The following STAG1 variants were observed in gnomAD, a reference collection of about 807,000 sequenced individuals.
The protein encoded by STAG1 is cohesin subunit SA-1.
A neutral mutation model predicts 170.9 loss-of-function variants in STAG1; 26 were observed. The observed-to-expected ratio is 0.15, with a 90% CI of 0.11 to 0.21. STAG1 has a LOEUF of 0.21. Ranked by LOEUF, STAG1 falls within the 10% of genes least tolerant of loss-of-function variation. STAG1 has a pLI of 1.00. For synonymous variants in STAG1, 514 were observed against 497.7 expected, an observed-to-expected ratio of 1.03 and a Z score of -0.44; for missense variants, 964 against 1,509.5, an observed-to-expected ratio of 0.64 and a Z score of 5.99.
In STAG1 at chr3:136,357,868, C is replaced by A; in HGVS notation, c.2937-20G>T. ...CCATCCCTGAAGTAAAAGAAAATAT[C>A]AACTTATTTTTCCAGATAGTGTAAT... is the stretch of plus-strand genomic sequence containing the variant. On this transcript the variant is annotated intron_variant, in intron 27 of 33. Transcript: ENST00000383202. 2 of 1,577,248 alleles carry A rather than the reference C, an allele frequency of 1.3e-6. No homozygotes were observed. Among genetic ancestry groups the A allele is most frequent in the South Asian group, 1.2e-5 (1 of 84,030 alleles).
chr3:136,679,586 G>A (rs865951468), intron 1 of STAG1, among the ~76,000 whole-genome samples: 17 of 152,246 alleles, frequency 1.1e-4, no homozygotes, highest in Middle Eastern at 3.4e-3. Context: ...AAAATTAGCC[G>A]GGCGCGGTGG....
chr3:136,577,087 T>C (rs1937491281), intron 4 of STAG1, among the ~76,000 whole-genome samples: 1 of 152,204 alleles, frequency 6.6e-6, no homozygotes, highest in Admixed American at 6.5e-5. Context: ...AGCACATGCC[T>C]TGAAAGCTTA....
At chr3:136,585,620 A>AATAATAATAAT (rs1559892979) in intron 4 of STAG1, among the ~76,000 whole-genome samples, 9 of 150,332 alleles carry the variant, frequency 6.0e-5, no homozygotes, top group Non-Finnish European at 1.0e-4. Flanking sequence ...ATAATAATAA[A>AATAATAATAAT]AAAATAAAAT....
intron 9 of STAG1, among the ~76,000 whole-genome samples, chr3:136,481,776 CAG>C (rs1253173048): frequency 1.0e-5 from 1 of 96,464 alleles, no homozygotes; most frequent in Non-Finnish European, 2.1e-5. Flanking sequence ...TTGGTCTATT[CAG>C]AGATTCAACT....
chr3:136,341,426 C>A lies in STAG1; in HGVS notation c.3557+15G>T, dbSNP rs1192108487. On this transcript the variant is annotated intron_variant, in intron 31 of 33. Coordinates refer to ENST00000383202, the MANE Select transcript of STAG1 (RefSeq NM_005862.3). ...ATAGTTGTTATGTTCTTGTGATACT[C>A]CATGTAACACTTACACAGCATGCCT... 6.6e-7 allele frequency: 1 copy of A among 1,509,968 alleles called. No homozygotes were observed. Among genetic ancestry groups the A allele is most frequent in the Non-Finnish European group, 9.2e-7 (1 of 1,088,030 alleles). 93.5% of individuals were successfully genotyped at this position (1,509,968 alleles called of 1,614,324 possible). A position where few individuals can be genotyped will look rare whatever the true frequency, so the allele number is the denominator to read the frequency against.
intron 2 of STAG1, 73 bp downstream of exon 2, chr3:136,630,797 C>A (rs907845225): frequency 9.7e-7 from 1 of 1,030,660 alleles, no homozygotes; most frequent in East Asian, 2.6e-5. Flanking sequence ...TCGAAGAGAG[C>A]ATTTTGATAA....
At chr3:136,469,931 C>T (rs967990225) in intron 12 of STAG1, among the ~76,000 whole-genome samples, 60 of 152,210 alleles carry the variant, frequency 3.9e-4, no homozygotes, top group Admixed American at 1.2e-3. Context: ...TGGCTAGCCA[C>T]ATGTAGAAAG....
chr3:136,691,487 G>A (rs1318994045), intron 1 of STAG1, among the ~76,000 whole-genome samples: 1 of 152,046 alleles, frequency 6.6e-6, no homozygotes, highest in Non-Finnish European at 1.5e-5. Flanking sequence ...CCAGCTACTG[G>A]GGAGCCTGAG....
At chr3:136,514,672 T>A (rs1462705989) in intron 7 of STAG1, among the ~76,000 whole-genome samples, 1 of 152,168 alleles carries the variant, frequency 6.6e-6, no homozygotes, top group East Asian at 1.9e-4. Flanking sequence ...CAAATGTCCA[T>A]CAATAATAGG....
At chr3:136,535,209 T>C (rs572138716) in intron 6 of STAG1, among the ~76,000 whole-genome samples, 2 of 152,294 alleles carry the variant, frequency 1.3e-5, no homozygotes, top group South Asian at 2.1e-4. Flanking sequence ...TGATAGGGAA[T>C]AGAATGATAG....
At chr3:136,457,630 C>T (rs1317300263) in intron 13 of STAG1, among the ~76,000 whole-genome samples, 3 of 152,080 alleles carry the variant, frequency 2.0e-5, no homozygotes, top group Non-Finnish European at 4.4e-5. Flanking sequence ...GTAGCCCCCA[C>T]GGCCTGCTGT....
intron 9 of STAG1, among the ~76,000 whole-genome samples, chr3:136,489,764 T>C (rs1456607720): frequency 2.0e-5 from 3 of 152,212 alleles, no homozygotes; most frequent in South Asian, 2.1e-4. Flanking sequence ...TATCCTTTAT[T>C]AGACTAAGAA....
intron 9 of STAG1, among the ~76,000 whole-genome samples, chr3:136,484,872 C>T (rs540935235): frequency 8.5e-4 from 129 of 151,856 alleles, no homozygotes; most frequent in Non-Finnish European, 1.5e-3. Context: ...TTCTTTGACT[C>T]GGAAAGGGAA....
At chr3:136,632,447 C>G (rs1033486859) in intron 1 of STAG1, among the ~76,000 whole-genome samples, 2 of 152,136 alleles carry the variant, frequency 1.3e-5, no homozygotes, top group African/African-American at 4.8e-5. Context: ...ACTCTTGGTG[C>G]AACTTGCTGG....
chr3:136,437,322 A>T (rs762358891), intron 15 of STAG1, among the ~76,000 whole-genome samples: 1 of 152,230 alleles, frequency 6.6e-6, no homozygotes, highest in Non-Finnish European at 1.5e-5. Flanking sequence ...GTAAACTCAA[A>T]AGCAGTTGAA....
chr3:136,444,551 G>C (rs565041385), intron 14 of STAG1, among the ~76,000 whole-genome samples: 102 of 152,288 alleles, frequency 6.7e-4, no homozygotes, highest in African/African-American at 2.4e-3. Context: ...TCAAACTACA[G>C]ACTGCAATCC....
At chr3:136,663,030 C>A (rs1307341892) in intron 1 of STAG1, among the ~76,000 whole-genome samples, 1 of 151,870 alleles carries the variant, frequency 6.6e-6, no homozygotes, top group African/African-American at 2.4e-5. Context: ...CCAGTCTGGG[C>A]AGCAGAGTGA....
At chr3:136,491,429 CTAAT>C (rs1253238582) in intron 9 of STAG1, among the ~76,000 whole-genome samples, 1 of 152,084 alleles carries the variant, frequency 6.6e-6, no homozygotes, top group African/African-American at 2.4e-5. Context: ...TTCCAATTCA[CTAAT>C]TGTCTCCTCA....
rs1189731203 is a variant in STAG1 at position 136,470,356 on chromosome 3, A to G, written c.1205+2057T>C. Among the ~76,000 whole-genome samples, 4 of 152,256 alleles carry G rather than the reference A, an allele frequency of 2.6e-5. No homozygotes were observed. The East Asian group carries it at 7.7e-4, about 29-fold the overall frequency. On this transcript the variant is annotated intron_variant, in intron 12 of 33. Transcript: ENST00000383202. ...GAACAGACACTTCTGAAAAGAAGAC[A>G]TTTATGCAGCCAACAGACACGTGAA...
Sources: gnomAD v4.1 joint callset for allele counts (sites outside exome capture counted in the v4.1 genomes callset) on GRCh38, gnomAD v4.1.1 for gene constraint, MANE v1.5 for transcripts, NCBI Gene and HGNC (gene_info 2026-07-23, HGNC 2026-07-21) for gene names.